Variants in XPO1 observed in about 807,000 individuals in gnomAD.
The protein encoded by XPO1 is exportin-1.
In XPO1, 5 loss-of-function variants were observed where a neutral mutation model predicts 133.3. The ratio of observed to expected loss-of-function variants is 0.04; its 90% CI spans 0.02 to 0.08. XPO1 has a LOEUF of 0.08. Ranked by LOEUF, XPO1 falls within the 10% of genes least tolerant of loss-of-function variation. The pLI is 1.00. For synonymous variants in XPO1, 419 were observed against 408.2 expected (o/e 1.03, Z -0.32); for missense variants, 506 against 1,267.5 (o/e 0.40, Z 9.12).
chr2:61,501,963 T>C, intron 6 of XPO1, 33 bp downstream of exon 6: 2 of 1,537,760 alleles, frequency 1.3e-6, no homozygotes, highest in Non-Finnish European at 1.8e-6. Context: ...TAAGCATAAT[T>C]CTTCTAAGGA....
intron 19 of XPO1, among the ~76,000 whole-genome samples, chr2:61,487,405 G>A (rs1326948745): frequency 6.6e-6 from 1 of 151,854 alleles, no homozygotes; most frequent in Non-Finnish European, 1.5e-5. Context: ...AGAACCTTTC[G>A]ATATTTAGGT....
chr2:61,505,878 A>G (rs1405251317), intron 4 of XPO1, among the ~76,000 whole-genome samples: 1 of 152,106 alleles, frequency 6.6e-6, no homozygotes, highest in Non-Finnish European at 1.5e-5. Flanking sequence ...TACTGTATAT[A>G]TTTTACTTCA....
chr2:61,527,530 T>C (rs762444989), intron 2 of XPO1, among the ~76,000 whole-genome samples: 6 of 152,122 alleles, frequency 3.9e-5, no homozygotes, highest in Non-Finnish European at 7.4e-5. Flanking sequence ...GTAAGTTATG[T>C]AATGTAGCAG....
At chr2:61,506,067 C>T (rs758589858) in intron 4 of XPO1, among the ~76,000 whole-genome samples, 1 of 152,094 alleles carries the variant, frequency 6.6e-6, no homozygotes, top group Non-Finnish European at 1.5e-5. Flanking sequence ...GTTCATTCCC[C>T]AAATCCCTTC....
rs774301283 is a variant in XPO1 at position 61,484,057 on chromosome 2, G to C, written c.2557C>G (p.Gln853Glu). 7 of 1,613,888 alleles carry C rather than the reference G, an allele frequency of 4.3e-6. No homozygotes were observed. The highest frequency in any genetic ancestry group is 5.9e-6 in the Non-Finnish European group (7 of 1,179,840). The change falls in exon 21 of 25, where the codon CAG becomes GAG. Residue 853 changes from glutamine to glutamate, a missense_variant. By Grantham distance (29) the Gln-to-Glu change is conservative. Transcript: ENST00000401558. ...GGGAAACAATGAGAATTGACAGCCT[G>C]AAGTAGTAAGAAAAAGTTCGTTCTA... ...EHRTNFFLLLQAVNSHCFPAF... is the reference protein window; with the variant it reads ...EHRTNFFLLLEAVNSHCFPAF...
rs554608877 is a variant in XPO1, at chr2:61,496,720, A to C, written c.888+159T>G. Among the ~76,000 whole-genome samples, 173 of 152,318 alleles carry C rather than the reference A, an allele frequency of 1.1e-3. 1 individual carries two copies. The highest frequency in any genetic ancestry group is 3.9e-3 in the African/African-American group (164 of 41,574). ...AACCTGAATTTTAAGAAATTTTTGG[A>C]AACATCATAAAAATTTGTAGCTTAC... is the stretch of plus-strand genomic sequence containing the variant. On this transcript the variant is annotated intron_variant, in intron 10 of 24. Coordinates refer to ENST00000401558, the MANE Select transcript of XPO1 (RefSeq NM_003400.4).
At position 61,498,799 on chromosome 2, in the gene XPO1, C is replaced by T. The variant is rs1352744734; in HGVS notation, c.640-7G>A. 1 of 1,612,814 alleles carries T rather than the reference C, an allele frequency of 6.2e-7. No individual in the cohort carries two copies. The highest frequency in any genetic ancestry group is 1.7e-5 in the Admixed American group (1 of 59,796). The stretch of plus-strand genomic sequence containing the variant: ...GAGCATTTTGAGAATTTTCCTATAA[C>T]AAAACACACTTGTAAATAATTGCTT... On this transcript the variant is annotated splice_region_variant and splice_polypyrimidine_tract_variant and intron_variant, in intron 8 of 24. Transcript: ENST00000401558.
At chr2:61,529,043 G>C (rs1404088861) in intron 2 of XPO1, among the ~76,000 whole-genome samples, 2 of 151,414 alleles carry the variant, frequency 1.3e-5, no homozygotes, top group Admixed American at 1.3e-4. Context: ...TTAATAATGA[G>C]CCAGGTGTGG....
intron 4 of XPO1, among the ~76,000 whole-genome samples, chr2:61,511,020 G>A (rs1698071296): frequency 6.6e-6 from 1 of 151,990 alleles, no homozygotes; most frequent in South Asian, 2.1e-4. Context: ...GCCTTTCATG[G>A]AGGCCTGTAA....
At chr2:61,518,649 A>G (rs1178948766) in intron 4 of XPO1, among the ~76,000 whole-genome samples, 2 of 152,032 alleles carry the variant, frequency 1.3e-5, no homozygotes, top group Non-Finnish European at 2.9e-5. Context: ...AGACCAAAAA[A>G]AAACCAAAGA....
At chr2:61,502,138 G>T (rs942835663) in intron 5 of XPO1, 98 bp from the exon 6 acceptor site, 108 of 1,488,942 alleles carry the variant, frequency 7.3e-5, no homozygotes, top group Non-Finnish European at 9.8e-5. Context: ...TACTGTAAAT[G>T]ACTGACTGTG....
intron 18 of XPO1, 117 bp from the exon 19 acceptor site, chr2:61,488,388 C>T: frequency 8.1e-7 from 1 of 1,238,188 alleles, no homozygotes. Flanking sequence ...CAAAAGTTCA[C>T]AAAATTTATT....
chr2:61,518,228 G>A (rs1181565985), intron 4 of XPO1, among the ~76,000 whole-genome samples: 3 of 151,734 alleles, frequency 2.0e-5, no homozygotes, highest in African/African-American at 7.3e-5. Context: ...ACTCCAGCCT[G>A]AGCAACAGAG....
chr2:61,525,262 G>C (rs1193208889), intron 3 of XPO1: 1 of 985,342 alleles, frequency 1.0e-6, no homozygotes, highest in Non-Finnish European at 1.2e-6. Context: ...GGAATCAAAA[G>C]GGTAGACCTT....
At chr2:61,490,299 A>C (rs1196622721) in intron 17 of XPO1, among the ~76,000 whole-genome samples, 1 of 151,800 alleles carries the variant, frequency 6.6e-6, no homozygotes, top group Non-Finnish European at 1.5e-5. Context: ...CTTGGGTTCA[A>C]GTGATTCTCC....
chr2:61,526,387 A>C, intron 3 of XPO1, 33 bp downstream of exon 3: 1 of 1,593,898 alleles, frequency 6.3e-7, no homozygotes, highest in Non-Finnish European at 8.5e-7. Flanking sequence ...GGAAGAAAAG[A>C]AATAACAGAT....
chr2:61,505,788 C>A (rs948449024), intron 4 of XPO1, among the ~76,000 whole-genome samples: 10 of 152,236 alleles, frequency 6.6e-5, no homozygotes, highest in Admixed American at 6.5e-4. Flanking sequence ...GAACTCCTGA[C>A]TTCAGGTGAT....
chr2:61,518,236 G>C lies in XPO1; in HGVS notation c.301+4375C>G, dbSNP rs892618675. 2.0e-5 allele frequency among the ~76,000 whole-genome samples: 3 copies of C among 151,966 alleles called. 1 individual carries two copies. The highest frequency in any genetic ancestry group is 2.4e-5 in the African/African-American group (1 of 41,482). Reference sequence around the variant, plus strand: ...CCACTGTACTCCAGCCTGAGCAACAGAGTGAAACCCTACATCTTTAAAAAA... The same window carrying C: ...CCACTGTACTCCAGCCTGAGCAACACAGTGAAACCCTACATCTTTAAAAAA... On this transcript the variant is annotated intron_variant, in intron 4 of 24. Coordinates refer to ENST00000401558, the MANE Select transcript of XPO1 (RefSeq NM_003400.4).
At chr2:61,513,215 C>T (rs985845783) in intron 4 of XPO1, among the ~76,000 whole-genome samples, 7 of 152,162 alleles carry the variant, frequency 4.6e-5, no homozygotes, top group African/African-American at 9.6e-5. Context: ...CATGCCACCA[C>T]GCCTGGCTAA....
Sources: allele counts gnomAD v4.1 joint callset (sites outside exome capture counted in the v4.1 genomes callset), GRCh38; gene constraint gnomAD v4.1.1; transcripts MANE v1.5; gene names NCBI Gene and HGNC (gene_info 2026-07-23, HGNC 2026-07-21).